Variants in CRTC3 observed in about 807,000 individuals in gnomAD.
The protein encoded by CRTC3 is CREB-regulated transcription coactivator 3.
Under a neutral mutation model 74.5 loss-of-function variants are expected in CRTC3, and 26 were observed. The observed-to-expected ratio is 0.35, with a 90% CI of 0.26 to 0.48. The LOEUF is 0.48. Ranked by LOEUF, CRTC3 falls within the 20% of genes least tolerant of loss-of-function variation. The probability of loss-of-function intolerance (pLI) is 0.99; values close to 1 mark genes in which losing one functional copy is unlikely to be tolerated. For missense variants in CRTC3, 760 were observed against 787.3 expected (o/e 0.97, Z 0.41); for synonymous variants, 377 against 325.8 (o/e 1.16, Z -1.69).
chr15:90,590,646 C>T (rs1261451312), intron 2 of CRTC3, among the ~76,000 whole-genome samples: 2 of 152,162 alleles, frequency 1.3e-5, no homozygotes, highest in Non-Finnish European at 2.9e-5. Flanking sequence ...AGGTCTGAGC[C>T]ACTGCACCCG....
chr15:90,616,780 G>C (rs1287815144), intron 7 of CRTC3, among the ~76,000 whole-genome samples: 1 of 152,212 alleles, frequency 6.6e-6, no homozygotes, highest in Non-Finnish European at 1.5e-5. Context: ...GAAAGCCCTG[G>C]AATGGTCCCT....
chr15:90,608,813 C>T (rs1968292683), intron 6 of CRTC3, among the ~76,000 whole-genome samples: 1 of 152,214 alleles, frequency 6.6e-6, no homozygotes, highest in South Asian at 2.1e-4. Flanking sequence ...GGTGCTGGCA[C>T]CTGACCTGTA....
At chr15:90,573,553 A>AT (rs34392473) in intron 2 of CRTC3, among the ~76,000 whole-genome samples, 8 of 150,480 alleles carry the variant, frequency 5.3e-5, no homozygotes, top group African/African-American at 1.2e-4. Context: ...GAGGGTTCCC[A>AT]TTTTTTTTTT....
At chr15:90,628,525 C>G (rs917891578) in intron 10 of CRTC3, among the ~76,000 whole-genome samples, 3 of 152,236 alleles carry the variant, frequency 2.0e-5, no homozygotes, top group African/African-American at 4.8e-5. Context: ...TCCCCAGTTT[C>G]TGGGAGCTCA....
At chr15:90,539,899 A>C in intron 1 of CRTC3, 140 bp from the exon 2 acceptor site, 1 of 663,368 alleles carries the variant, frequency 1.5e-6, no homozygotes, top group Non-Finnish European at 2.6e-6. Flanking sequence ...GGAAACCTTG[A>C]GGGTGTGATC....
At chr15:90,636,005 C>G (rs1188377087) in intron 11 of CRTC3, among the ~76,000 whole-genome samples, 1 of 152,050 alleles carries the variant, frequency 6.6e-6, no homozygotes, top group Non-Finnish European at 1.5e-5. Flanking sequence ...AGATTCAATG[C>G]CATCCCCATC....
chr15:90,613,910 T>C (rs1409244269), intron 6 of CRTC3: 3 of 152,238 alleles, frequency 2.0e-5, no homozygotes, highest in Non-Finnish European at 4.4e-5. Flanking sequence ...TTTAAAACTT[T>C]GTGAATAGCT....
chr15:90,628,955 C>CG (rs1968936960), intron 10 of CRTC3, among the ~76,000 whole-genome samples: 4 of 152,128 alleles, frequency 2.6e-5, no homozygotes, highest in Non-Finnish European at 5.9e-5. Context: ...TCTGTTACCC[C>CG]GGTTTACCTA....
chr15:90,572,439 G>C (rs1011197695), intron 2 of CRTC3, among the ~76,000 whole-genome samples: 3 of 152,050 alleles, frequency 2.0e-5, no homozygotes, highest in African/African-American at 7.2e-5. Context: ...AAAATAGCTG[G>C]GTAAGAAGGG....
At chr15:90,605,122 C>T (rs140046483) in intron 5 of CRTC3, among the ~76,000 whole-genome samples, 18 of 151,346 alleles carry the variant, frequency 1.2e-4, no homozygotes, top group East Asian at 3.9e-4. Context: ...CGTGGTGGCA[C>T]GTGCCTGTGG....
chr15:90,597,177 C>T (rs574288298), intron 3 of CRTC3, among the ~76,000 whole-genome samples: 4 of 152,330 alleles, frequency 2.6e-5, no homozygotes, highest in East Asian at 3.9e-4. Context: ...GGCCTGGGCT[C>T]GGGCACTTGG....
chr15:90,547,993 A>T (rs1966847504), intron 2 of CRTC3, among the ~76,000 whole-genome samples: 1 of 148,180 alleles, frequency 6.7e-6, no homozygotes, highest in South Asian at 2.1e-4. Flanking sequence ...GGCTCAAGGG[A>T]TCCTCCTGTC....
At chr15:90,635,527 C>G (rs1969201678) in intron 11 of CRTC3, among the ~76,000 whole-genome samples, 1 of 152,176 alleles carries the variant, frequency 6.6e-6, no homozygotes, top group Non-Finnish European at 1.5e-5. Flanking sequence ...CTCCTGTAAT[C>G]TCAGCTACTC....
intron 13 of CRTC3, 34 bp downstream of exon 13, chr15:90,638,849 T>TACAGTTTATGCACCAAGG: frequency 6.5e-7 from 1 of 1,530,628 alleles, no homozygotes; most frequent in Non-Finnish European, 9.1e-7. Context: ...CCTCCCTTGG[T>TACAGTTTATGCACCAAGG]GCATAAACTG....
chr15:90,533,000 G>T (rs1329844202), intron 1 of CRTC3, among the ~76,000 whole-genome samples: 2 of 146,594 alleles, frequency 1.4e-5, no homozygotes, highest in Non-Finnish European at 3.0e-5. Context: ...CAGGAGAATC[G>T]CTCGAACCCA....
intron 2 of CRTC3, among the ~76,000 whole-genome samples, chr15:90,562,153 C>T (rs553343669): frequency 2.7e-4 from 41 of 152,302 alleles, no homozygotes; most frequent in African/African-American, 9.1e-4. Flanking sequence ...AGGAAGTCAC[C>T]AGGGTAACCA....
At chr15:90,542,142 T>G (rs1459377725) in intron 2 of CRTC3, among the ~76,000 whole-genome samples, 1 of 151,576 alleles carries the variant, frequency 6.6e-6, no homozygotes, top group Non-Finnish European at 1.5e-5. Context: ...TTTGCAACAG[T>G]CACAAACTTA....
Position 90,615,042 on chromosome 15 carries a change from G to A in CRTC3, c.613+554G>A, listed in dbSNP as rs996694816. On this transcript the variant is annotated intron_variant, in intron 7 of 14. Coordinates refer to ENST00000268184, the MANE Select transcript of CRTC3 (RefSeq NM_022769.5). ...TTGTGCCACTGCACTCCAGTCTGGC[G>A]ACCGAGCGAGACTCCGTCTAAAAAT... Among the ~76,000 whole-genome samples, 7 of 151,886 alleles carry A rather than the reference G, an allele frequency of 4.6e-5. No homozygotes were observed. In the East Asian group the frequency reaches 9.6e-4, roughly 21 times the overall value.
At chr15:90,558,621 C>T (rs1280752253) in intron 2 of CRTC3, among the ~76,000 whole-genome samples, 2 of 152,012 alleles carry the variant, frequency 1.3e-5, no homozygotes, top group African/African-American at 4.8e-5. Context: ...TCCCTCAGCT[C>T]CTCACTCAAA....
Sources: gnomAD v4.1 joint callset for allele counts (sites outside exome capture counted in the v4.1 genomes callset) on GRCh38, gnomAD v4.1.1 for gene constraint, MANE v1.5 for transcripts, NCBI Gene and HGNC (gene_info 2026-07-23, HGNC 2026-07-21) for gene names.